Variants in LSP1 observed in about 807,000 individuals in gnomAD.
The protein encoded by LSP1 is lymphocyte specific protein 1.
A neutral mutation model predicts 49.3 loss-of-function variants in LSP1; 32 were observed. The ratio of observed to expected loss-of-function variants is 0.65; its 90% CI spans 0.49 to 0.87. The LOEUF is 0.87. Ranked by LOEUF, LSP1 falls within the 40% of genes least tolerant of loss-of-function variation. The pLI is 0.00. For synonymous variants in LSP1, 179 were observed against 178.8 expected (o/e 1.00, Z -0.01); for missense variants, 428 against 442.6 (o/e 0.97, Z 0.30).
In LSP1 at chr11:1,883,516, C is replaced by T. The variant is rs1488826733; in HGVS notation, c.454C>T (p.Gln152Ter). The T allele has an allele frequency of 2.5e-6, 4 of 1,613,776 alleles. No homozygotes were observed. Among genetic ancestry groups the T allele is most frequent in the Non-Finnish European group, 8.5e-7 (1 of 1,179,964 alleles). The change falls in exon 4 of 11, where the codon CAG becomes TAG. Residue 152 changes from glutamine (Q) to a stop codon, truncating the protein, a stop_gained. Coordinates refer to ENST00000311604, the MANE Select transcript of LSP1 (RefSeq NM_002339.3). LOFTEE classifies it high-confidence loss of function. Reference protein sequence around the residue: ...KEGPGPEDTVQDNLGAAGAEE... With the variant: ...KEGPGPEDTV Reference sequence around the variant, plus strand: ...GGGGCCAGGCCCAGAGGACACTGTCCAGGACAACCTGGGGGCCGCAGGGGC... The same window carrying T: ...GGGGCCAGGCCCAGAGGACACTGTCTAGGACAACCTGGGGGCCGCAGGGGC...
At chr11:1,881,358 C>A (rs1589826764) in intron 2 of LSP1, 74 bp from the exon 3 acceptor site, 1 of 1,416,192 alleles carries the variant, frequency 7.1e-7, no homozygotes, top group Non-Finnish European at 9.4e-7. Flanking sequence ...GAGCGGGCGC[C>A]GTGAGGTGAG....
At chr11:1,876,086 G>A (rs1848298225) in intron 1 of LSP1, among the ~76,000 whole-genome samples, 1 of 152,218 alleles carries the variant, frequency 6.6e-6, no homozygotes, top group South Asian at 2.1e-4. Context: ...TCCCAGATAG[G>A]CCCCGACACA....
rs1276526788 is a variant in LSP1 at position 1,874,302 on chromosome 11, G to C, written c.54-5785G>C. ...GGCCGGGGACGGGGGGGCAGTGTTG[G>C]GGACAGTGAGGGCAGGCCGGGGACA... On this transcript the variant is annotated intron_variant, in intron 1 of 10. Transcript: ENST00000311604. Among the ~76,000 whole-genome samples, 6 of 119,072 alleles carry C rather than the reference G, an allele frequency of 5.0e-5. No homozygotes were observed. In the East Asian group the frequency reaches 1.3e-3, roughly 26 times the overall value. The allele number at this position is 119,072 out of a possible 152,430, so 78.1% of individuals were successfully genotyped here.
chr11:1,859,906 C>G (rs1191675497), intron 1 of LSP1, among the ~76,000 whole-genome samples: 1 of 152,208 alleles, frequency 6.6e-6, no homozygotes, highest in Non-Finnish European at 1.5e-5. Context: ...ATGAGGCCAC[C>G]ACCCTGACCT....
intron 1 of LSP1, among the ~76,000 whole-genome samples, chr11:1,868,339 G>A (rs1231254264): frequency 6.6e-6 from 1 of 152,224 alleles, no homozygotes; most frequent in African/African-American, 2.4e-5. Context: ...CCCACCCTTA[G>A]CCATGGCTCT....
At chr11:1,869,473 T>G (rs1589813348) in intron 1 of LSP1, among the ~76,000 whole-genome samples, 1 of 148,732 alleles carries the variant, frequency 6.7e-6, no homozygotes, top group African/African-American at 2.5e-5. Context: ...GGGTGCAGGG[T>G]GGTGGCAGGA....
intron 1 of LSP1, chr11:1,869,248 C>T (rs1429085699): frequency 1.3e-5 from 3 of 227,970 alleles, no homozygotes; most frequent in Admixed American, 5.1e-5. Context: ...GATTGAGGGC[C>T]GGGCCTGGCC....
chr11:1,853,600 G>A (rs1450127302), intron 1 of LSP1, among the ~76,000 whole-genome samples: 1 of 152,206 alleles, frequency 6.6e-6, no homozygotes, highest in Admixed American at 6.5e-5. Context: ...GGGATGGGTG[G>A]AACTGGCCCG....
chr11:1,855,352 A>C (rs2133051643), intron 1 of LSP1, among the ~76,000 whole-genome samples: 1 of 152,248 alleles, frequency 6.6e-6, no homozygotes, highest in Non-Finnish European at 1.5e-5. Flanking sequence ...AGCAGTGGAC[A>C]AGACAGCCCC....
intron 8 of LSP1, 94 bp from the exon 9 acceptor site, chr11:1,887,143 C>T: frequency 8.1e-7 from 1 of 1,234,188 alleles, no homozygotes; most frequent in African/African-American, 1.5e-5. Context: ...GGCCCCCTGG[C>T]CAGGTAAGGC....
rs370821613 is a variant in LSP1, at chr11:1,884,059, C to T, written c.591+35C>T. ...GCTGCAAAGCCTGCCATCTTCTCCC[C>T]TCTCCCGTACTCATACCCAAAAGGC... On this transcript the variant is annotated intron_variant, in intron 5 of 10. Coordinates refer to ENST00000311604, the MANE Select transcript of LSP1 (RefSeq NM_002339.3). This position sits in a 1 kb window ranked among gnomAD's most constrained non-coding sequence, Gnocchi z 4.1. 20 of 1,565,586 alleles carry T rather than the reference C, an allele frequency of 1.3e-5. No homozygotes were observed. The African/African-American group carries it at 1.4e-4, about 11-fold the overall frequency.
At chr11:1,864,177 G>A (rs984019726) in intron 1 of LSP1, 16 of 986,310 alleles carry the variant, frequency 1.6e-5, no homozygotes, top group Non-Finnish European at 1.8e-5. Context: ...AGTGCGAGAC[G>A]GGGAAGGAGG....
At chr11:1,881,704 G>A (rs1848553989) in intron 3 of LSP1, 108 bp downstream of exon 3, 7 of 1,306,720 alleles carry the variant, frequency 5.4e-6, no homozygotes, top group South Asian at 3.4e-5. Flanking sequence ...GAGGGCGGGC[G>A]CTGGGCAGAG....
intron 1 of LSP1, chr11:1,866,998 AGCC>A (rs1160865942): frequency 7.6e-7 from 1 of 1,310,616 alleles, no homozygotes; most frequent in Non-Finnish European, 1.0e-6. Flanking sequence ...GAGACACTGA[AGCC>A]GCGTGGGCCC....
intron 4 of LSP1, among the ~76,000 whole-genome samples, 160 bp from the exon 5 acceptor site, chr11:1,883,772 A>G (rs2133123361): frequency 6.6e-6 from 1 of 151,812 alleles, no homozygotes. Context: ...ATCTCTCCAG[A>G]CTCCTCAGTC....
intron 10 of LSP1, chr11:1,889,452 G>C: frequency 3.1e-6 from 2 of 643,966 alleles, no homozygotes. Flanking sequence ...CTCTGTGGGG[G>C]CAGGCACCTC....
intron 1 of LSP1, among the ~76,000 whole-genome samples, chr11:1,863,878 C>G (rs1847706809): frequency 6.6e-6 from 1 of 152,170 alleles, no homozygotes; most frequent in South Asian, 2.1e-4. Flanking sequence ...GTCTCTGCCT[C>G]TTGGGTCAAC....
chr11:1,873,486 TG>T (rs1848129675), intron 1 of LSP1, among the ~76,000 whole-genome samples: 1 of 94,018 alleles, frequency 1.1e-5, no homozygotes, highest in Admixed American at 1.4e-4. Flanking sequence ...AATAAACTGC[TG>T]GCTAAGGAAA....
At chr11:1,854,042 G>A (rs745339398) in intron 1 of LSP1, among the ~76,000 whole-genome samples, 4 of 152,158 alleles carry the variant, frequency 2.6e-5, no homozygotes, top group Non-Finnish European at 4.4e-5. Flanking sequence ...AGGGGAACCC[G>A]AGTTGCCCCC....
Sources: gnomAD v4.1 joint callset for allele counts (sites outside exome capture counted in the v4.1 genomes callset) on GRCh38, gnomAD v4.1.1 for gene constraint, Gnocchi (gnomAD v3.1) non-coding constraint, MANE v1.5 for transcripts, NCBI Gene and HGNC (gene_info 2026-07-23, HGNC 2026-07-21) for gene names.